Variants in MUC7 observed in about 807,000 individuals in gnomAD.
The protein encoded by MUC7 is mucin-7.
MUC7 carries 2 observed loss-of-function variants against 2.5 expected under a neutral mutation model. The ratio of observed to expected loss-of-function variants is 0.81; its 90% CI spans 0.33 to 2.55. The LOEUF (loss-of-function observed/expected upper bound fraction) is 2.55, where lower values mean the gene tolerates loss of function less well. MUC7 is among the 30% of genes most tolerant of loss of function. MUC7 has a pLI of 0.11. For missense variants in MUC7, 408 were observed against 455.6 expected (o/e 0.90, Z 0.95); for synonymous variants, 133 against 173.4 (o/e 0.77, Z 1.83).
At chr4:70,455,670 CAG>C (rs2109719993) in intron 1 of MUC7, among the ~76,000 whole-genome samples, 1 of 152,234 alleles carries the variant, frequency 6.6e-6, no homozygotes, top group Non-Finnish European at 1.5e-5. Context: ...TTTATTCTCA[CAG>C]ACTCTCTGAA....
chr4:70,472,903 C>T (rs1163680285), intron 1 of MUC7, among the ~76,000 whole-genome samples: 1 of 152,164 alleles, frequency 6.6e-6, no homozygotes, highest in African/African-American at 2.4e-5. Context: ...ATGATTTAAC[C>T]TTTATTTTGT....
At chr4:70,457,275 C>G (rs567492250) in intron 1 of MUC7, among the ~76,000 whole-genome samples, 1 of 152,020 alleles carries the variant, frequency 6.6e-6, no homozygotes, top group African/African-American at 2.4e-5. Context: ...AGACACCCAT[C>G]GCTACATACA....
intron 1 of MUC7, among the ~76,000 whole-genome samples, chr4:70,450,045 G>T (rs1734242181): frequency 6.6e-6 from 1 of 152,232 alleles, no homozygotes. Flanking sequence ...GGATGGTGAG[G>T]TCCGCCATTC....
At chr4:70,476,040 AT>A (rs1458703773) in intron 2 of MUC7, among the ~76,000 whole-genome samples, 1 of 152,204 alleles carries the variant, frequency 6.6e-6, no homozygotes, top group Admixed American at 6.5e-5. Flanking sequence ...ATCTTGAGCA[AT>A]TTAGAATCTA....
intron 1 of MUC7, among the ~76,000 whole-genome samples, chr4:70,447,357 C>T (rs1406240595): frequency 4.6e-5 from 7 of 152,084 alleles, no homozygotes; most frequent in African/African-American, 1.7e-4. Context: ...TAAATGTTGG[C>T]TCCTCTTTAC....
chr4:70,449,578 T>C (rs1734230068), intron 1 of MUC7, among the ~76,000 whole-genome samples: 1 of 152,166 alleles, frequency 6.6e-6, no homozygotes, highest in African/African-American at 2.4e-5. Context: ...TCTGGGCTTA[T>C]TTGTACCTGT....
intron 1 of MUC7, among the ~76,000 whole-genome samples, chr4:70,438,716 C>T (rs938853662): frequency 1.3e-5 from 2 of 152,110 alleles, no homozygotes; most frequent in African/African-American, 4.8e-5. Context: ...CCTCCACCTC[C>T]CAAAGTGCTG....
intron 1 of MUC7, among the ~76,000 whole-genome samples, chr4:70,455,374 G>C (rs1734386798): frequency 6.6e-6 from 1 of 152,036 alleles, no homozygotes; most frequent in African/African-American, 2.4e-5. Flanking sequence ...ATATAAAACT[G>C]TTCTTATATG....
At chr4:70,453,883 T>C (rs1290295909) in intron 1 of MUC7, among the ~76,000 whole-genome samples, 1 of 152,104 alleles carries the variant, frequency 6.6e-6, no homozygotes, top group South Asian at 2.1e-4. Flanking sequence ...GACTTCTTCC[T>C]TTCATTCAAG....
Position 70,481,837 on chromosome 4 carries a change from A to T in MUC7, c.1093A>T (p.Asn365Tyr). The change falls in exon 3 of 3, where the codon AAT becomes TAT. Residue 365 changes from asparagine (N) to tyrosine (Y), a missense_variant. Asn to Tyr is a moderately radical substitution (Grantham distance 143, BLOSUM62 -2). Coordinates refer to ENST00000304887, the MANE Select transcript of MUC7 (RefSeq NM_152291.3). ...KISRFLLYMK[N>Y]LLNRIIDDMV... Reference sequence around the variant, plus strand: ...TTCTCGATTTCTTTTATATATGAAGAATCTACTAAACAGAATTATTGACGA... The same window carrying T: ...TTCTCGATTTCTTTTATATATGAAGTATCTACTAAACAGAATTATTGACGA... 6.2e-7 allele frequency: 1 copy of T among 1,614,068 alleles called. No homozygotes were observed. Among genetic ancestry groups the T allele is most frequent in the Non-Finnish European group, 8.5e-7 (1 of 1,179,960 alleles).
chr4:70,432,927 C>A (rs1177962400), intron 1 of MUC7, among the ~76,000 whole-genome samples: 1 of 152,144 alleles, frequency 6.6e-6, no homozygotes, highest in Non-Finnish European at 1.5e-5. Context: ...GGAAGGGATC[C>A]AGTTTCAGCT....
chr4:70,472,794 T>A (rs559294815), intron 1 of MUC7, among the ~76,000 whole-genome samples: 1 of 152,326 alleles, frequency 6.6e-6, no homozygotes, highest in African/African-American at 2.4e-5. Context: ...AACACCCATT[T>A]TATAAACCAT....
chr4:70,433,239 A>G (rs1175779913), intron 1 of MUC7, among the ~76,000 whole-genome samples: 1 of 152,140 alleles, frequency 6.6e-6, no homozygotes, highest in Non-Finnish European at 1.5e-5. Context: ...TATGAAATTT[A>G]AAGTAGTTTT....
chr4:70,480,736 G>C lies in MUC7; in HGVS notation c.55-63G>C, dbSNP rs542087820. Reference sequence around the variant, plus strand: ...AATACCGCTCATCTCATGGTCAGCAGTGATCACCTGATTGATAAATGGATA... The same window carrying C: ...AATACCGCTCATCTCATGGTCAGCACTGATCACCTGATTGATAAATGGATA... On this transcript the variant is annotated intron_variant, in intron 2 of 2. Coordinates refer to ENST00000304887, the MANE Select transcript of MUC7 (RefSeq NM_152291.3). The C allele has an allele frequency of 1.6e-4, 250 of 1,545,790 alleles. 3 individuals carry two copies. In the South Asian group the frequency reaches 3.0e-3, roughly 19 times the overall value.
chr4:70,458,166 T>C (rs1477041074), intron 1 of MUC7, among the ~76,000 whole-genome samples: 2 of 152,038 alleles, frequency 1.3e-5, no homozygotes, highest in African/African-American at 4.8e-5. Flanking sequence ...GCAAAGATGG[T>C]TTTACATTAG....
At chr4:70,473,981 G>T (rs758969831) in intron 1 of MUC7, 26 bp from the exon 2 acceptor site, 1 of 1,537,660 alleles carries the variant, frequency 6.5e-7, no homozygotes, top group South Asian at 1.1e-5. Flanking sequence ...ATAACTAATA[G>T]TACGCCACAT....
At chr4:70,479,435 T>C (rs1735105222) in intron 2 of MUC7, among the ~76,000 whole-genome samples, 1 of 152,190 alleles carries the variant, frequency 6.6e-6, no homozygotes, top group Admixed American at 6.6e-5. Flanking sequence ...TGCACTAAAC[T>C]TTGTGTCCAA....
chr4:70,455,960 G>T (rs1455056456), intron 1 of MUC7, among the ~76,000 whole-genome samples: 2 of 152,118 alleles, frequency 1.3e-5, no homozygotes, highest in Non-Finnish European at 2.9e-5. Flanking sequence ...TATTCAAGGA[G>T]GCAGAGTTCT....
chr4:70,445,498 T>C (rs540724303), intron 1 of MUC7, among the ~76,000 whole-genome samples: 3 of 152,326 alleles, frequency 2.0e-5, no homozygotes, highest in African/African-American at 4.8e-5. Flanking sequence ...ACTTATTCAA[T>C]AGAAATCATG....
Sources: allele counts gnomAD v4.1 joint callset (sites outside exome capture counted in the v4.1 genomes callset), GRCh38; gene constraint gnomAD v4.1.1; transcripts MANE v1.5; gene names NCBI Gene and HGNC (gene_info 2026-07-23, HGNC 2026-07-21).